SPATA1: variants seen among roughly 807,000 people sequenced by gnomAD.
SPATA1 encodes the protein spermatogenesis associated 1.
A neutral mutation model predicts 59.6 loss-of-function variants in SPATA1; 57 were observed. That is an observed-to-expected ratio of 0.96 (90% CI 0.77 to 1.19). SPATA1 has a LOEUF of 1.19. SPATA1 is among the 50% of genes most tolerant of loss of function. SPATA1 has a pLI of 0.00. For missense variants in SPATA1, 448 were observed against 480.7 expected (o/e 0.93, Z 0.64); for synonymous variants, 147 against 163.9 (o/e 0.90, Z 0.79).
chr1:84,555,251 A>G, downstream of SPATA1: 1 of 1,389,274 alleles, frequency 7.2e-7, no homozygotes, highest in Non-Finnish European at 9.9e-7. Context: ...ACAATTCAGC[A>G]CCACAGGAAA....
chr1:84,550,691 A>G, intron 12 of SPATA1, 161 bp downstream of exon 12: 1 of 1,197,628 alleles, frequency 8.3e-7, no homozygotes, highest in Non-Finnish European at 1.0e-6. Flanking sequence ...AAAAAAATGC[A>G]GGAAGAAAAA....
intron 8 of SPATA1, among the ~76,000 whole-genome samples, chr1:84,543,842 A>T (rs1349384142): frequency 6.6e-6 from 1 of 152,224 alleles, no homozygotes; most frequent in Non-Finnish European, 1.5e-5. Context: ...TTTTCTAAGC[A>T]AATATAATCA....
intron 8 of SPATA1, among the ~76,000 whole-genome samples, chr1:84,537,789 G>A (rs1683757820): frequency 6.6e-6 from 1 of 152,192 alleles, no homozygotes; most frequent in African/African-American, 2.4e-5. Context: ...GTTTAGAGGG[G>A]TCAGATAATA....
At chr1:84,532,884 A>T in exon 7 of SPATA1, 1 of 1,552,052 alleles carries the variant, frequency 6.4e-7, no homozygotes, top group Non-Finnish European at 8.7e-7. Context: ...ACTGCAGAAA[A>T]AAGCCAAATT....
chr1:84,548,859 A>AT lies in SPATA1; in HGVS notation c.1020_1021insT (p.Leu341SerfsTer10). The AT allele has an allele frequency of 6.3e-7, 1 of 1,592,816 alleles. No individual in the cohort carries two copies. The highest frequency in any genetic ancestry group is 8.5e-7 in the Non-Finnish European group (1 of 1,171,406). ...CATCAATGGAGGAGGTTTTAACAAA[A>AT]CTTCGAGAAGATTTGGAACTCTACT... On this transcript the variant is annotated frameshift_variant, in exon 11 of 13. Transcript: ENST00000490879. LOFTEE classifies it high-confidence loss of function.
chr1:84,546,495 T>G (rs1684090973), intron 10 of SPATA1, among the ~76,000 whole-genome samples: 2 of 147,438 alleles, frequency 1.4e-5, no homozygotes, highest in Admixed American at 6.7e-5. Context: ...ATGAAAACTA[T>G]GATAAAGGAA....
chr1:84,527,113 T>G (rs1400113438), intron 6 of SPATA1, among the ~76,000 whole-genome samples: 1 of 152,122 alleles, frequency 6.6e-6, no homozygotes, highest in Non-Finnish European at 1.5e-5. Context: ...GGGTTTAGAA[T>G]AAATTTAGAA....
intron 8 of SPATA1, among the ~76,000 whole-genome samples, chr1:84,537,530 TTA>T (rs1683746300): frequency 1.3e-5 from 2 of 152,192 alleles, no homozygotes; most frequent in African/African-American, 4.8e-5. Flanking sequence ...TACCCAGAAC[TTA>T]TTGAGTGAAG....
At chr1:84,517,799 C>G (rs1395416) in intron 2 of SPATA1, among the ~76,000 whole-genome samples, 3 of 151,870 alleles carry the variant, frequency 2.0e-5, no homozygotes, top group Non-Finnish European at 4.4e-5. Flanking sequence ...ATAACCTTTA[C>G]TGCTAGCACG....
At chr1:84,555,846 T>C, downstream of SPATA1, 1 of 152,202 alleles carries the variant, frequency 6.6e-6, no homozygotes, top group Admixed American at 6.5e-5. Flanking sequence ...GCAACCAAAG[T>C]TAAGGGGAAT....
chr1:84,513,777 T>G (rs150297155), intron 1 of SPATA1, among the ~76,000 whole-genome samples: 2,316 of 152,262 alleles, frequency 0.015, 15 homozygotes, highest in Non-Finnish European at 0.017. Context: ...AAGTATAGCT[T>G]TCCCATAACA....
intron 10 of SPATA1, among the ~76,000 whole-genome samples, chr1:84,548,267 A>G (rs1030111951): frequency 6.6e-6 from 1 of 151,966 alleles, no homozygotes; most frequent in East Asian, 1.9e-4. Context: ...TTGTGTTCCT[A>G]TTAAGTTTGT....
chr1:84,544,296 A>G (rs764611748), exon 9 of SPATA1: 23 of 1,566,704 alleles, frequency 1.5e-5, no homozygotes, highest in Middle Eastern at 1.7e-4. Context: ...TCTTTATTAC[A>G]AACTGAAAGT....
intron 4 of SPATA1, among the ~76,000 whole-genome samples, chr1:84,524,949 A>G (rs2101947883): frequency 6.6e-6 from 1 of 152,154 alleles, no homozygotes; most frequent in Admixed American, 6.5e-5. Flanking sequence ...CCTGACAGAT[A>G]GTATGCCCTC....
intron 8 of SPATA1, among the ~76,000 whole-genome samples, chr1:84,540,891 TG>T (rs2101990971): frequency 6.6e-6 from 1 of 152,352 alleles, no homozygotes; most frequent in Admixed American, 6.5e-5. Flanking sequence ...AAACCAGATG[TG>T]GCCCAGACAT....
chr1:84,513,614 C>G (rs1682669939), intron 1 of SPATA1, among the ~76,000 whole-genome samples: 1 of 152,206 alleles, frequency 6.6e-6, no homozygotes, highest in Admixed American at 6.5e-5. Context: ...GAAGTAGATC[C>G]AAGGCTAGAG....
chr1:84,514,970 CA>C (rs1333837315), intron 1 of SPATA1, among the ~76,000 whole-genome samples: 1 of 146,444 alleles, frequency 6.8e-6, no homozygotes, highest in African/African-American at 2.5e-5. Context: ...GACTCTGTCT[CA>C]AAAAAAAAGA....
chr1:84,536,587 G>A (rs1355880657), intron 8 of SPATA1, among the ~76,000 whole-genome samples: 2 of 152,162 alleles, frequency 1.3e-5, no homozygotes, highest in Non-Finnish European at 2.9e-5. Context: ...GGGACTACAG[G>A]TGCCCGCCAC....
rs576377345 is a variant in SPATA1, at chr1:84,525,893, A to C, written c.364A>C (p.Asn122His). 1.1e-4 allele frequency: 185 copies of C among 1,613,744 alleles called. 2 individuals are homozygous for C. The South Asian group carries it at 1.9e-3, about 17-fold the overall frequency. Reference sequence around the variant, plus strand: ...GCTTCCTGTAATGGACCATTTAGGAAATGTTTATTCACCATCAACAGTTAT... The same window carrying C: ...GCTTCCTGTAATGGACCATTTAGGACATGTTTATTCACCATCAACAGTTAT... The change falls in exon 6 of 13, where the codon AAT (asparagine) becomes CAT (histidine). Residue 122 changes from asparagine (N) to histidine (H), a missense_variant. Physicochemically the swap from Asn to His is moderately conservative, Grantham distance 68. Coordinates refer to ENST00000490879, the Ensembl canonical transcript of SPATA1.
Sources: gnomAD v4.1 joint callset for allele counts (sites outside exome capture counted in the v4.1 genomes callset) on GRCh38, gnomAD v4.1.1 for gene constraint, MANE v1.5 for transcripts, NCBI Gene and HGNC (gene_info 2026-07-23, HGNC 2026-07-21) for gene names.